STARD13: variants seen among roughly 807,000 people sequenced by gnomAD.
STARD13 encodes the protein StAR related lipid transfer domain containing 13.
In STARD13, 62 loss-of-function variants were observed where a neutral mutation model predicts 106.4. The observed-to-expected ratio is 0.58, with a 90% CI of 0.48 to 0.72. The LOEUF is 0.72. STARD13 is among the 30% of genes least tolerant of loss of function. The pLI is 0.00. For missense variants in STARD13, 1,387 were observed against 1,424.0 expected (o/e 0.97, Z 0.42); for synonymous variants, 565 against 553.0 (o/e 1.02, Z -0.31).
At chr13:33,164,017 C>A (rs1425135475) in intron 3 of STARD13, 1 of 151,944 alleles carries the variant, frequency 6.6e-6, no homozygotes, top group African/African-American at 2.4e-5. Flanking sequence ...AATTCATTAC[C>A]TTTACAGAAT....
chr13:33,639,142 G>A, the STARD13 span, among the ~76,000 whole-genome samples: 1 of 152,188 alleles, frequency 6.6e-6, no homozygotes, highest in Admixed American at 6.5e-5. Context: ...GATAATGCCA[G>A]ATGATGACCA....
intron 1 of STARD13, chr13:33,186,158 TC>T: frequency 1.0e-6 from 1 of 995,878 alleles, no homozygotes; most frequent in Admixed American, 3.0e-5. Context: ...CCTCCACACT[TC>T]CTTTCCTCAT....
intron 4 of STARD13, among the ~76,000 whole-genome samples, chr13:33,140,835 T>A (rs1879725045): frequency 6.6e-6 from 1 of 151,430 alleles, no homozygotes; most frequent in Admixed American, 6.6e-5. Context: ...CTCAGCTCAC[T>A]GCAACCTCCG....
At chr13:33,158,217 G>A (rs1453414620) in intron 3 of STARD13, among the ~76,000 whole-genome samples, 1 of 152,158 alleles carries the variant, frequency 6.6e-6, no homozygotes, top group Non-Finnish European at 1.5e-5. Flanking sequence ...GAGAGCAAGA[G>A]AAAGCTACAC....
At chr13:33,212,924 T>C (rs1887809690) in intron 1 of STARD13, among the ~76,000 whole-genome samples, 2 of 152,234 alleles carry the variant, frequency 1.3e-5, no homozygotes, top group Admixed American at 1.3e-4. Context: ...AGGAAAGTTT[T>C]GTCAAACCAT....
the STARD13 span, among the ~76,000 whole-genome samples, chr13:33,606,880 T>C: frequency 3.7e-4 from 57 of 152,360 alleles, 2 homozygotes; most frequent in Admixed American, 1.1e-3. Flanking sequence ...CTCCCTGGTA[T>C]GCTGCATCTT....
the STARD13 span, among the ~76,000 whole-genome samples, chr13:33,522,919 T>A: frequency 1.0e-3 from 153 of 152,308 alleles, 1 homozygote; most frequent in African/African-American, 3.7e-3. Flanking sequence ...GCAGGGCTGT[T>A]GTAAGGATGA....
chr13:33,195,690 T>C (rs374028427), intron 1 of STARD13, among the ~76,000 whole-genome samples: 1 of 152,192 alleles, frequency 6.6e-6, no homozygotes, highest in Admixed American at 6.5e-5. Flanking sequence ...CTTAGTTCTT[T>C]AGACACAAGA....
intron 1 of STARD13, among the ~76,000 whole-genome samples, chr13:33,341,062 G>GA (rs1414645417): frequency 6.6e-6 from 1 of 152,106 alleles, no homozygotes; most frequent in Non-Finnish European, 1.5e-5. Flanking sequence ...CAAGGACTCT[G>GA]AAAAAAGCCC....
the STARD13 span, among the ~76,000 whole-genome samples, chr13:33,499,479 G>A: frequency 6.8e-6 from 1 of 147,356 alleles, no homozygotes; most frequent in South Asian, 2.2e-4. Flanking sequence ...AGGAGCTCCA[G>A]GCTCCAGTCT....
intron 5 of STARD13, 60 bp from the exon 6 acceptor site, chr13:33,127,606 C>G: frequency 6.8e-7 from 1 of 1,471,598 alleles, no homozygotes; most frequent in South Asian, 1.3e-5. Flanking sequence ...GCGGGAAACA[C>G]GGGACATCAC....
At chr13:33,280,258 G>A (rs1418705526) in intron 1 of STARD13, 1 of 152,144 alleles carries the variant, frequency 6.6e-6, no homozygotes, top group Non-Finnish European at 1.5e-5. Flanking sequence ...TAGTAATGAG[G>A]GGGAATACAT....
At chr13:33,169,587 C>T (rs894951285) in intron 1 of STARD13, among the ~76,000 whole-genome samples, 1 of 152,186 alleles carries the variant, frequency 6.6e-6, no homozygotes, top group African/African-American at 2.4e-5. Context: ...TGGAGAGAAG[C>T]ACAGAATATT....
the STARD13 span, among the ~76,000 whole-genome samples, chr13:33,488,736 A>G: frequency 6.6e-6 from 1 of 152,140 alleles, no homozygotes; most frequent in Non-Finnish European, 1.5e-5. Flanking sequence ...CTCTCCAACT[A>G]CTGGAATCCT....
chr13:33,341,798 CTT>C (rs1190235963), intron 1 of STARD13, among the ~76,000 whole-genome samples: 2 of 144,972 alleles, frequency 1.4e-5, no homozygotes, highest in African/African-American at 5.0e-5. Context: ...CAAATGCAAA[CTT>C]TTTTTTTTTT....
chr13:33,346,376 A>T (rs1409900626), downstream of STARD13, among the ~76,000 whole-genome samples: 2 of 152,186 alleles, frequency 1.3e-5, no homozygotes, highest in African/African-American at 2.4e-5. Flanking sequence ...GCATTTTTCA[A>T]GTATGTATGA....
chr13:33,558,664 T>TGCTCAGAGGTCAGGAGATCGAGACC, the STARD13 span, among the ~76,000 whole-genome samples: 1 of 151,864 alleles, frequency 6.6e-6, no homozygotes, highest in African/African-American at 2.4e-5. Context: ...GCTCAGAAGC[T>TGCTCAGAGGTCAGGAGATCGAGACC]AATGTTTCAC....
chr13:33,304,794 G>C (rs889013514), intron 1 of STARD13, among the ~76,000 whole-genome samples: 10 of 151,930 alleles, frequency 6.6e-5, no homozygotes, highest in African/African-American at 2.4e-4. Context: ...TTCCATCATA[G>C]TTATTTGTTT....
At chr13:33,603,989 A>G in the STARD13 span, among the ~76,000 whole-genome samples, 3 of 152,214 alleles carry the variant, frequency 2.0e-5, no homozygotes, top group Admixed American at 1.3e-4. Flanking sequence ...TAAAACCCAA[A>G]GAAATAAGAC....
Sources: gnomAD v4.1 joint callset for allele counts (sites outside exome capture counted in the v4.1 genomes callset) on GRCh38, gnomAD v4.1.1 for gene constraint, MANE v1.5 for transcripts, NCBI Gene and HGNC (gene_info 2026-07-23, HGNC 2026-07-21) for gene names.